Variants in DPF3 observed in about 807,000 individuals in gnomAD.
The protein encoded by DPF3 is zinc finger protein DPF3.
DPF3 carries 18 observed loss-of-function variants against 56.8 expected under a neutral mutation model. The ratio of observed to expected loss-of-function variants is 0.32; its 90% CI spans 0.22 to 0.47. The LOEUF (loss-of-function observed/expected upper bound fraction) is 0.47, where lower values mean the gene tolerates loss of function less well. Ranked by LOEUF, DPF3 falls within the 20% of genes least tolerant of loss-of-function variation. The probability of loss-of-function intolerance (pLI) is 1.00; values close to 1 mark genes in which losing one functional copy is unlikely to be tolerated. For synonymous variants in DPF3, 188 were observed against 180.2 expected, an observed-to-expected ratio of 1.04 and a Z score of -0.35; for missense variants, 403 against 488.8, an observed-to-expected ratio of 0.82 and a Z score of 1.65.
chr14:72,798,383 CCTTTT>C (rs1186006522), intron 1 of DPF3, among the ~76,000 whole-genome samples: 2 of 151,336 alleles, frequency 1.3e-5, no homozygotes, highest in Non-Finnish European at 2.9e-5. Flanking sequence ...TTGCTGTCTT[CCTTTT>C]AATATTCTGT....
At chr14:72,637,771 C>T (rs528842854) in intron 8 of DPF3, among the ~76,000 whole-genome samples, 2 of 152,032 alleles carry the variant, frequency 1.3e-5, no homozygotes, top group South Asian at 2.1e-4. Context: ...ATAAACAAGC[C>T]TTCTAAAGTT....
intron 1 of DPF3, among the ~76,000 whole-genome samples, chr14:72,891,672 A>G (rs1349732545): frequency 6.6e-6 from 1 of 152,010 alleles, no homozygotes; most frequent in African/African-American, 2.4e-5. Context: ...CTGCGTTAGG[A>G]GTTGTCAAAA....
chr14:72,839,244 C>T (rs544117355), intron 1 of DPF3, among the ~76,000 whole-genome samples: 8 of 151,968 alleles, frequency 5.3e-5, no homozygotes, highest in East Asian at 1.9e-4. Context: ...TAATGGCAAG[C>T]GGGAACAAAA....
intron 10 of DPF3, 136 bp from the exon 11 acceptor site, chr14:72,619,503 G>T (rs1884288348): frequency 1.0e-6 from 1 of 973,732 alleles, no homozygotes; most frequent in Non-Finnish European, 1.5e-6. Flanking sequence ...GCCTGAAAAC[G>T]TGCCAGAGTC....
At chr14:72,877,041 C>T (rs1316804389) in intron 1 of DPF3, among the ~76,000 whole-genome samples, 1 of 152,100 alleles carries the variant, frequency 6.6e-6, no homozygotes, top group African/African-American at 2.4e-5. Context: ...GATCAAGGTG[C>T]AATTCATGGA....
At chr14:72,810,039 A>G (rs1882969545) in intron 1 of DPF3, among the ~76,000 whole-genome samples, 1 of 152,244 alleles carries the variant, frequency 6.6e-6, no homozygotes, top group Non-Finnish European at 1.5e-5. Flanking sequence ...TTGAGAATCT[A>G]TAAGAGAAGA....
intron 1 of DPF3, among the ~76,000 whole-genome samples, chr14:72,877,066 C>G (rs551889519): frequency 2.0e-5 from 3 of 152,028 alleles, no homozygotes; most frequent in African/African-American, 7.3e-5. Flanking sequence ...AGGAGAAAGA[C>G]GTAAATAGTG....
chr14:72,812,204 C>T (rs1883076515), intron 1 of DPF3, among the ~76,000 whole-genome samples: 1 of 152,090 alleles, frequency 6.6e-6, no homozygotes, highest in Non-Finnish European at 1.5e-5. Flanking sequence ...TGAGGCTGCT[C>T]CCACCAGCCC....
intron 6 of DPF3, among the ~76,000 whole-genome samples, chr14:72,700,355 T>C (rs906545891): frequency 3.3e-5 from 5 of 152,190 alleles, no homozygotes; most frequent in African/African-American, 1.2e-4. Flanking sequence ...TTAATATTTA[T>C]TGAACAAGGG....
intron 1 of DPF3, chr14:72,853,469 C>CTTTTT (rs11340682): frequency 5.3e-5 from 5 of 93,854 alleles, no homozygotes; most frequent in African/African-American, 8.6e-5. Flanking sequence ...AGCTTGCTGC[C>CTTTTT]TTTTTTTTTT....
At chr14:72,693,033 A>C (rs779279227) in intron 7 of DPF3, 43 bp downstream of exon 7, 1 of 1,612,160 alleles carries the variant, frequency 6.2e-7, no homozygotes, top group South Asian at 1.1e-5. Context: ...CAGCCTGTCT[A>C]ACCCACTTCT....
chr14:72,755,796 A>G (rs1379005587), intron 2 of DPF3, among the ~76,000 whole-genome samples: 1 of 152,130 alleles, frequency 6.6e-6, no homozygotes, highest in Non-Finnish European at 1.5e-5. Context: ...CAACAAGCAA[A>G]TGGTCGCAAG....
chr14:72,618,783 G>A lies in DPF3; in HGVS notation c.*514C>T, dbSNP rs968386333. On this transcript the variant is annotated 3_prime_UTR_variant, in exon 11 of 11. Transcript: ENST00000556509. Reference sequence around the variant, plus strand: ...ACAAGAAAGGGTTTCAAGACCCCAAGTCTAGAAGTTTCCAGTGAGGCTTGC... The same window carrying A: ...ACAAGAAAGGGTTTCAAGACCCCAAATCTAGAAGTTTCCAGTGAGGCTTGC... 6.6e-5 allele frequency among the ~76,000 whole-genome samples: 10 copies of A among 152,212 alleles called. No individual in the cohort carries two copies. The highest frequency in any genetic ancestry group is 2.4e-4 in the African/African-American group (10 of 41,450).
chr14:72,831,157 G>A (rs993762557), intron 1 of DPF3, among the ~76,000 whole-genome samples: 2 of 152,138 alleles, frequency 1.3e-5, no homozygotes, highest in Non-Finnish European at 2.9e-5. Context: ...AAAGGGCGTT[G>A]GGGGAAGCAA....
intron 1 of DPF3, among the ~76,000 whole-genome samples, chr14:72,804,318 A>G (rs535345406): frequency 1.3e-5 from 2 of 152,236 alleles, no homozygotes; most frequent in African/African-American, 2.4e-5. Context: ...GTGGAATAGA[A>G]CAATAGGTAC....
At chr14:72,638,884 T>C (rs1885463386) in intron 8 of DPF3, among the ~76,000 whole-genome samples, 1 of 151,342 alleles carries the variant, frequency 6.6e-6, no homozygotes, top group Non-Finnish European at 1.5e-5. Flanking sequence ...TGGCGTGATC[T>C]TGGCTCACTG....
At chr14:72,808,477 G>A (rs1367829016) in intron 1 of DPF3, among the ~76,000 whole-genome samples, 1 of 152,172 alleles carries the variant, frequency 6.6e-6, no homozygotes, top group East Asian at 1.9e-4. Context: ...TTACAAGCAG[G>A]ACCCGCAAGA....
chr14:72,720,025 C>T (rs1889100263), intron 5 of DPF3, among the ~76,000 whole-genome samples: 1 of 151,810 alleles, frequency 6.6e-6, no homozygotes, highest in African/African-American at 2.4e-5. Context: ...TCTCATTAAT[C>T]TAGTGTGGAG....
chr14:72,756,850 A>AAGAG (rs1403518823), intron 2 of DPF3, among the ~76,000 whole-genome samples: 2 of 137,712 alleles, frequency 1.5e-5, no homozygotes, highest in East Asian at 4.0e-4. Context: ...GAAAGAAAGA[A>AAGAG]AGAAAGAAAG....
Sources: gnomAD v4.1 joint callset for allele counts (sites outside exome capture counted in the v4.1 genomes callset) on GRCh38, gnomAD v4.1.1 for gene constraint, MANE v1.5 for transcripts, NCBI Gene and HGNC (gene_info 2026-07-23, HGNC 2026-07-21) for gene names.